The following CTDP1 variants were observed in gnomAD, a reference collection of about 807,000 sequenced individuals.
CTDP1 encodes the protein RNA polymerase II subunit A C-terminal domain phosphatase.
In CTDP1, 47 loss-of-function variants were observed where a neutral mutation model predicts 91.8. The ratio of observed to expected loss-of-function variants is 0.51; its 90% CI spans 0.41 to 0.65. The LOEUF is 0.65. Among genes scored for constraint, CTDP1 ranks in the 30% least tolerant of loss-of-function variants. The probability of loss-of-function intolerance (pLI) is 0.00; values close to 1 mark genes in which losing one functional copy is unlikely to be tolerated. For missense variants in CTDP1, 1,272 were observed against 1,373.7 expected (o/e 0.93, Z 1.17); for synonymous variants, 656 against 598.5 (o/e 1.10, Z -1.40).
At chr18:79,711,633 C>G (rs1189069446) in intron 6 of CTDP1, among the ~76,000 whole-genome samples, 2 of 152,166 alleles carry the variant, frequency 1.3e-5, no homozygotes, top group East Asian at 3.9e-4. Flanking sequence ...TGATAATTTT[C>G]TTAGGAGCTT....
chr18:79,724,329 C>T (rs1379493895), intron 10 of CTDP1, among the ~76,000 whole-genome samples: 1 of 152,130 alleles, frequency 6.6e-6, no homozygotes, highest in Non-Finnish European at 1.5e-5. Flanking sequence ...GGATAAATGT[C>T]CAGTGGTAGA....
intron 10 of CTDP1, among the ~76,000 whole-genome samples, chr18:79,721,089 G>A (rs1461932457): frequency 6.6e-6 from 1 of 152,144 alleles, no homozygotes; most frequent in Non-Finnish European, 1.5e-5. Flanking sequence ...CTGTGGCGAA[G>A]GCATAGCTGA....
At chr18:79,721,855 G>C (rs1316955010) in intron 10 of CTDP1, among the ~76,000 whole-genome samples, 1 of 139,158 alleles carries the variant, frequency 7.2e-6, no homozygotes, top group Non-Finnish European at 1.5e-5. Flanking sequence ...ACGGAATCTT[G>C]CTCCATCGTC....
intron 5 of CTDP1, among the ~76,000 whole-genome samples, chr18:79,708,274 C>T (rs1225130909): frequency 6.6e-6 from 1 of 152,192 alleles, no homozygotes; most frequent in Non-Finnish European, 1.5e-5. Context: ...CAGAGCAGCT[C>T]TTCTGTTTTA....
intron 5 of CTDP1, among the ~76,000 whole-genome samples, chr18:79,707,655 C>G (rs1004611353): frequency 6.6e-6 from 1 of 152,224 alleles, no homozygotes; most frequent in Admixed American, 6.5e-5. Flanking sequence ...TGCAGAAATT[C>G]TCAACAGAAC....
At chr18:79,691,427 A>G (rs1030773814) in intron 1 of CTDP1, among the ~76,000 whole-genome samples, 2 of 152,202 alleles carry the variant, frequency 1.3e-5, no homozygotes, top group Admixed American at 6.5e-5. Flanking sequence ...CCTAGTGTCA[A>G]TGTGCGACGG....
In CTDP1 at chr18:79,715,443, G is replaced by A. The variant is rs377634005; in HGVS notation, c.1983G>A (p.Thr661=). The change falls in exon 8 of 13, where the codon ACG becomes ACA. Residue 661 remains threonine, a synonymous_variant. Transcript: ENST00000613122. ...IEKTREHYHA[T]ALGAKILTRL... Reference sequence around the variant, plus strand: ...AGACGCGGGAGCATTACCACGCCACGGCGCTGGGAGCGAAGATCCTCACTC... The same window carrying A: ...AGACGCGGGAGCATTACCACGCCACAGCGCTGGGAGCGAAGATCCTCACTC... 21 of 1,592,608 alleles carry A rather than the reference G, an allele frequency of 1.3e-5. No individual in the cohort carries two copies. The highest frequency in any genetic ancestry group is 1.7e-5 in the Admixed American group (1 of 57,190).
At chr18:79,695,877 T>A in intron 2 of CTDP1, 100 bp from the exon 3 acceptor site, 1 of 930,950 alleles carries the variant, frequency 1.1e-6, no homozygotes, top group Middle Eastern at 2.1e-4. Context: ...GCAGCGTGTG[T>A]CCGTTAAAAC....
rs778004932 is a variant in CTDP1, at chr18:79,704,865, C to T, written c.720C>T (p.Tyr240=). 2.5e-6 allele frequency: 4 copies of T among 1,613,898 alleles called. No homozygotes were observed. Among genetic ancestry groups the T allele is most frequent in the Non-Finnish European group, 1.7e-6 (2 of 1,180,046 alleles). ...KDFLEKIAKL[Y]ELHVFTFGSR... ...TCCTGGAGAAGATCGCCAAGCTGTACGAGCTGCACGTCTTCACCTTCGGCA... is the reference window on the plus strand; with the variant it reads ...TCCTGGAGAAGATCGCCAAGCTGTATGAGCTGCACGTCTTCACCTTCGGCA... Residue 240 remains tyrosine (Y), a synonymous_variant, in exon 5 of 13, where the codon TAC becomes TAT. Transcript: ENST00000613122.
At chr18:79,738,305 C>G (rs1368692567) in intron 12 of CTDP1, among the ~76,000 whole-genome samples, 1 of 152,216 alleles carries the variant, frequency 6.6e-6, no homozygotes, top group African/African-American at 2.4e-5. Context: ...AGGATGTGGC[C>G]CTCCAGGTCC....
At chr18:79,738,852 T>C (rs776701654) in intron 12 of CTDP1, among the ~76,000 whole-genome samples, 1 of 152,234 alleles carries the variant, frequency 6.6e-6, no homozygotes, top group Admixed American at 6.5e-5. Flanking sequence ...TCCAGCTGTG[T>C]TGAAATGATA....
Position 79,714,689 on chromosome 18 carries a change from C to T in CTDP1, c.1229C>T (p.Ala410Val). The T allele has an allele frequency of 6.2e-7, 1 of 1,609,866 alleles. No individual in the cohort carries two copies. Among genetic ancestry groups the T allele is most frequent in the Non-Finnish European group, 8.5e-7 (1 of 1,178,608 alleles). Residue 410 changes from alanine (A) to valine (V), a missense_variant, in exon 8 of 13, where the codon GCC becomes GTC. This residue lies in a region of CTDP1 where 881 missense variants were observed against 911.6 expected (regional missense o/e 0.97). Coordinates refer to ENST00000613122, the MANE Select transcript of CTDP1 (RefSeq NM_004715.5). ...GACGAGAGGGACATCTGGCCCCCTGCCCAGGCCCCCACCAGCAGCCAAGAG... is the reference window on the plus strand; with the variant it reads ...GACGAGAGGGACATCTGGCCCCCTGTCCAGGCCCCCACCAGCAGCCAAGAG... The part of the protein sequence containing the change: ...KPDERDIWPP[A>V]QAPTSSQELA...
intron 10 of CTDP1, among the ~76,000 whole-genome samples, chr18:79,721,971 G>A (rs949260498): frequency 2.6e-5 from 4 of 152,026 alleles, no homozygotes; most frequent in East Asian, 1.9e-4. Flanking sequence ...TTACAGGCAC[G>A]TGCCACCACG....
rs1326143148 is a variant in CTDP1 at position 79,715,492 on chromosome 18, C to T, written c.2032C>T (p.Pro678Ser). 2 of 1,573,590 alleles carry T rather than the reference C, an allele frequency of 1.3e-6. No homozygotes were observed. Among genetic ancestry groups the T allele is most frequent in the Non-Finnish European group, 1.7e-6 (2 of 1,161,850 alleles). ...LTRLVLSPDA[P>S]DRATHLIAAR... ...TCGGCTGGTGCTGAGCCCCGACGCC[C>T]CTGACAGGGCCACGCACCTGATCGC... Residue 678 changes from proline to serine, a missense_variant, in exon 8 of 13, where the codon CCT becomes TCT. Physicochemically the swap from Pro to Ser is moderately conservative, Grantham distance 74. Transcript: ENST00000613122.
At position 79,693,765 on chromosome 18, in the gene CTDP1, A is replaced by T. The variant is rs184576241; in HGVS notation, c.315-1460A>T. On this transcript the variant is annotated intron_variant, in intron 1 of 12. Coordinates refer to ENST00000613122, the MANE Select transcript of CTDP1 (RefSeq NM_004715.5). Reference sequence around the variant, plus strand: ...TCCGCACACGCCCATCCTCCTCCCCAGGAAGAACTCCCCTCCACTCCCCTC... The same window carrying T: ...TCCGCACACGCCCATCCTCCTCCCCTGGAAGAACTCCCCTCCACTCCCCTC... Among the ~76,000 whole-genome samples, 380 of 152,070 alleles carry T rather than the reference A, an allele frequency of 2.5e-3. 1 individual carries two copies. The highest frequency in any genetic ancestry group is 8.3e-3 in the African/African-American group (346 of 41,484).
intron 3 of CTDP1, among the ~76,000 whole-genome samples, chr18:79,696,810 G>A (rs924284550): frequency 2.6e-5 from 4 of 152,124 alleles, no homozygotes; most frequent in Middle Eastern, 3.2e-3. Flanking sequence ...CAGCGGCTCC[G>A]GGCACCTCCT....
chr18:79,730,807 G>C (rs2086550927), intron 11 of CTDP1, among the ~76,000 whole-genome samples: 1 of 152,250 alleles, frequency 6.6e-6, no homozygotes, highest in African/African-American at 2.4e-5. Context: ...ATGTGAGGAA[G>C]GGATTCTCCC....
chr18:79,733,351 C>T (rs532497120), intron 11 of CTDP1, among the ~76,000 whole-genome samples: 2 of 152,318 alleles, frequency 1.3e-5, no homozygotes, highest in African/African-American at 4.8e-5. Flanking sequence ...GACTCACACC[C>T]ATGTGTCGGT....
rs1204489613 is a variant in CTDP1, at chr18:79,753,945, A to G, written c.*155A>G. On this transcript the variant is annotated 3_prime_UTR_variant, in exon 13 of 13. Transcript: ENST00000613122. ...TACAGAAACACATTATTTTGCAGAA[A>G]TAGGTGTTTTTAAGAAGTTTTACTA... 2 of 1,089,206 alleles carry G rather than the reference A, an allele frequency of 1.8e-6. No homozygotes were observed. Among genetic ancestry groups the G allele is most frequent in the Admixed American group, 4.9e-5 (2 of 40,516 alleles). 67.5% of individuals were successfully genotyped at this position (1,089,206 alleles called of 1,614,324 possible).
Sources: gnomAD v4.1 joint callset for allele counts (sites outside exome capture counted in the v4.1 genomes callset) on GRCh38, gnomAD v4.1.1 for gene constraint, gnomAD v4.1.1 regional missense constraint, MANE v1.5 for transcripts, NCBI Gene and HGNC (gene_info 2026-07-23, HGNC 2026-07-21) for gene names.